The following MET variants were observed in gnomAD, a reference collection of about 807,000 sequenced individuals.
MET encodes MET proto-oncogene, receptor tyrosine kinase, also known as hepatocyte growth factor receptor.
Under a neutral mutation model 133.1 loss-of-function variants are expected in MET, and 48 were observed. The observed-to-expected ratio is 0.36, with a 90% CI of 0.29 to 0.46. The LOEUF (loss-of-function observed/expected upper bound fraction) is 0.46. Ranked by LOEUF, MET falls within the 20% of genes least tolerant of loss-of-function variation. MET has a pLI of 1.00. For missense variants in MET, 1,442 were observed against 1,695.9 expected, an observed-to-expected ratio of 0.85 and a Z score of 2.63; for synonymous variants, 628 against 616.5, an observed-to-expected ratio of 1.02 and a Z score of -0.28.
At chr7:116,682,332 G>A (rs1796391515) in intron 1 of MET, among the ~76,000 whole-genome samples, 1 of 152,086 alleles carries the variant, frequency 6.6e-6, no homozygotes, top group South Asian at 2.1e-4. Flanking sequence ...ATCCCTAAAT[G>A]GGTTTTAATT....
intron 3 of MET, among the ~76,000 whole-genome samples, chr7:116,736,877 A>G (rs905396043): frequency 2.6e-5 from 4 of 152,226 alleles, no homozygotes; most frequent in Non-Finnish European, 4.4e-5. Flanking sequence ...TTACATTTAC[A>G]TGGCAAATTT....
At chr7:116,674,897 C>T (rs1796100354) in intron 1 of MET, among the ~76,000 whole-genome samples, 1 of 152,066 alleles carries the variant, frequency 6.6e-6, no homozygotes, top group East Asian at 1.9e-4. Flanking sequence ...CCTAAGATTT[C>T]CTTGGTCTGC....
intron 3 of MET, among the ~76,000 whole-genome samples, chr7:116,737,582 A>AT (rs374967407): frequency 8.6e-5 from 13 of 152,026 alleles, no homozygotes; most frequent in Admixed American, 2.6e-4. Flanking sequence ...TCTATGTTGT[A>AT]TTTTTTTTAA....
chr7:116,713,719 A>T (rs889559159), intron 2 of MET, among the ~76,000 whole-genome samples: 26 of 152,194 alleles, frequency 1.7e-4, no homozygotes, highest in Non-Finnish European at 2.8e-4. Flanking sequence ...ATAAGAGGTC[A>T]TGACAGTTGG....
At chr7:116,754,983 G>GGAAAGAAAGA (rs1794104197) in intron 5 of MET, among the ~76,000 whole-genome samples, 2 of 78,694 alleles carry the variant, frequency 2.5e-5, no homozygotes, top group South Asian at 1.1e-3. Context: ...AGCAGAGAAA[G>GGAAAGAAAGA]GAAAGAAAGA....
chr7:116,770,138 T>G (rs899507118), intron 12 of MET, among the ~76,000 whole-genome samples: 2 of 152,224 alleles, frequency 1.3e-5, no homozygotes, highest in African/African-American at 2.4e-5. Flanking sequence ...AGTGTTCCAC[T>G]GCCAACCACT....
In MET at chr7:116,699,655, C is replaced by A. The variant is rs530932258; in HGVS notation, c.571C>A (p.Arg191=). The change falls in exon 2 of 21, where the codon CGG becomes AGG. Residue 191 remains arginine (R), a synonymous_variant. Transcript: ENST00000397752. ...CAAAGTCCTTTCATCTGTAAAGGAC[C>A]GGTTCATCAACTTCTTTGTAGGCAA... The part of the protein sequence containing the change: ...GAKVLSSVKD[R]FINFFVGNTI... 4.3e-6 allele frequency: 7 copies of A among 1,613,922 alleles called. No individual in the cohort carries two copies. The Admixed American group carries it at 6.7e-5, about 15-fold the overall frequency.
intron 12 of MET, among the ~76,000 whole-genome samples, chr7:116,771,248 C>A (rs577157545): frequency 7.2e-5 from 11 of 152,262 alleles, no homozygotes; most frequent in Non-Finnish European, 1.3e-4. Context: ...TTTTGTACAT[C>A]TTTTTATCCC....
At chr7:116,713,223 G>A (rs1272918935) in intron 2 of MET, among the ~76,000 whole-genome samples, 1 of 152,004 alleles carries the variant, frequency 6.6e-6, no homozygotes, top group African/African-American at 2.4e-5. Context: ...GTGAAACCCC[G>A]TCTCTACTAA....
At chr7:116,723,431 C>A (rs1385958001) in intron 2 of MET, among the ~76,000 whole-genome samples, 2 of 151,956 alleles carry the variant, frequency 1.3e-5, no homozygotes, top group Admixed American at 6.6e-5. Context: ...GTTTGAATGT[C>A]CTCCCGTAGC....
intron 2 of MET, among the ~76,000 whole-genome samples, chr7:116,726,178 TGGG>T (rs1562900140): frequency 9.8e-3 from 35 of 3,554 alleles, no homozygotes; most frequent in African/African-American, 0.016. Flanking sequence ...TATATATATA[TGGG>T]ATATAAAACA....
intron 1 of MET, among the ~76,000 whole-genome samples, chr7:116,683,020 C>T (rs1796418229): frequency 6.6e-6 from 1 of 152,168 alleles, no homozygotes; most frequent in Non-Finnish European, 1.5e-5. Context: ...CTCCCTCTAT[C>T]CTACCCACCT....
intron 2 of MET, among the ~76,000 whole-genome samples, chr7:116,725,252 G>T (rs1020377724): frequency 1.3e-5 from 2 of 152,062 alleles, no homozygotes; most frequent in African/African-American, 4.8e-5. Context: ...GACTTGTTCA[G>T]AGGAGCAAAT....
At position 116,784,934 on chromosome 7, in the gene MET, G is replaced by A. The variant is rs1007522195; in HGVS notation, c.3798+1465G>A. Among the ~76,000 whole-genome samples the A allele has an allele frequency of 7.2e-5, 11 of 152,182 alleles. No individual in the cohort carries two copies. The East Asian group carries it at 9.6e-4, about 13-fold the overall frequency. ...AAGTTAGTTGCTTACAAGATACAACGGGGGTACAGGCATTGGGTGAATGCT... is the reference window on the plus strand; with the variant it reads ...AAGTTAGTTGCTTACAAGATACAACAGGGGTACAGGCATTGGGTGAATGCT... On this transcript the variant is annotated intron_variant, in intron 19 of 20. Transcript: ENST00000397752.
In MET at chr7:116,775,124, A is replaced by C; in HGVS notation, c.3259+13A>C. The C allele has an allele frequency of 6.2e-7, 1 of 1,612,622 alleles. No individual in the cohort carries two copies. Among genetic ancestry groups the C allele is most frequent in the African/African-American group, 1.3e-5 (1 of 74,998 alleles). ...GTCATAGGAAGAGGTAAGTATTTCC[A>C]CTCAGCTTTTTGTTAAATACGATTT... is the stretch of plus-strand genomic sequence containing the variant. On this transcript the variant is annotated intron_variant, in intron 15 of 20. Transcript: ENST00000397752.
chr7:116,692,790 TAAAG>T (rs1319115034), intron 1 of MET, among the ~76,000 whole-genome samples: 1 of 152,180 alleles, frequency 6.6e-6, no homozygotes, highest in African/African-American at 2.4e-5. Context: ...TGAAAAGAAA[TAAAG>T]AAATGTTTTA....
intron 2 of MET, among the ~76,000 whole-genome samples, chr7:116,725,631 T>C (rs1225588592): frequency 2.6e-5 from 4 of 151,736 alleles, no homozygotes; most frequent in Non-Finnish European, 5.9e-5. Context: ...CTAGGCTGTA[T>C]GGTATGACCT....
At chr7:116,763,446 T>A in intron 11 of MET, 178 bp downstream of exon 11, 2 of 630,312 alleles carry the variant, frequency 3.2e-6, no homozygotes. Context: ...AACCGTGGAC[T>A]GCATTTTAAT....
At position 116,699,580 on chromosome 7, in the gene MET, A is replaced by G. The variant is rs751239059; in HGVS notation, c.496A>G (p.Ile166Val). The change falls in exon 2 of 21, where the codon ATA (isoleucine) becomes GTA (valine). Residue 166 changes from isoleucine to valine, a missense_variant. Ile to Val is a conservative substitution (Grantham distance 29, BLOSUM62 3). Coordinates refer to ENST00000397752, the MANE Select transcript of MET (RefSeq NM_000245.4). ...GGTTCACTGCATATTCTCCCCACAG[A>G]TAGAAGAGCCCAGCCAGTGTCCTGA... ...SEVHCIFSPQ[I>V]EEPSQCPDCV... The G allele has an allele frequency of 9.3e-6, 15 of 1,613,982 alleles. No homozygotes were observed. Among genetic ancestry groups the G allele is most frequent in the South Asian group, 2.2e-5 (2 of 91,082 alleles).
Sources: allele counts gnomAD v4.1 joint callset (sites outside exome capture counted in the v4.1 genomes callset), GRCh38; gene constraint gnomAD v4.1.1; transcripts MANE v1.5; gene names NCBI Gene and HGNC (gene_info 2026-07-23, HGNC 2026-07-21).